The following KIAA1217 variants were observed in gnomAD, a reference collection of about 807,000 sequenced individuals.
The protein encoded by KIAA1217 is KIAA1217, also known as sickle tail protein homolog.
KIAA1217 carries 88 observed loss-of-function variants against 163.9 expected under a neutral mutation model. The ratio of observed to expected loss-of-function variants is 0.54; its 90% CI spans 0.45 to 0.64. The LOEUF (loss-of-function observed/expected upper bound fraction) is 0.64, where lower values mean the gene tolerates loss of function less well. KIAA1217 is among the 30% of genes least tolerant of loss of function. The pLI is 0.00. For missense variants in KIAA1217, 2,372 were observed against 2,475.0 expected, an observed-to-expected ratio of 0.96 and a Z score of 0.88; for synonymous variants, 903 against 923.1, an observed-to-expected ratio of 0.98 and a Z score of 0.39.
intron 2 of KIAA1217, among the ~76,000 whole-genome samples, chr10:24,026,744 T>TAA (rs1847969349): frequency 2.7e-5 from 1 of 37,332 alleles, no homozygotes; most frequent in Non-Finnish European, 6.1e-5. Context: ...TTTCATTGAT[T>TAA]TTTTTTTTTT....
At chr10:24,376,247 G>C (rs1287779611) in intron 2 of KIAA1217, among the ~76,000 whole-genome samples, 1 of 152,174 alleles carries the variant, frequency 6.6e-6, no homozygotes, top group East Asian at 1.9e-4. Context: ...TAAATAATTC[G>C]AAGGAAATCT....
chr10:24,191,584 C>A (rs1269941682), intron 2 of KIAA1217, among the ~76,000 whole-genome samples: 1 of 151,402 alleles, frequency 6.6e-6, no homozygotes, highest in Non-Finnish European at 1.5e-5. Flanking sequence ...TATTCTGTAC[C>A]CACAAATATT....
chr10:24,126,286 G>C (rs1214541137), intron 2 of KIAA1217, among the ~76,000 whole-genome samples: 1 of 152,076 alleles, frequency 6.6e-6, no homozygotes, highest in Non-Finnish European at 1.5e-5. Context: ...AACTTTGTCT[G>C]AACAGCTGTT....
chr10:23,707,062 T>C (rs1446294371), intron 1 of KIAA1217, among the ~76,000 whole-genome samples: 1 of 152,138 alleles, frequency 6.6e-6, no homozygotes, highest in Non-Finnish European at 1.5e-5. Context: ...AGAAGTAAAC[T>C]TATTACCAAA....
At chr10:24,199,553 G>C (rs1001081017) in intron 2 of KIAA1217, among the ~76,000 whole-genome samples, 4 of 152,156 alleles carry the variant, frequency 2.6e-5, no homozygotes, top group Non-Finnish European at 5.9e-5. Context: ...GGGAAACAAA[G>C]TAATTTTCAC....
chr10:24,387,650 A>C (rs1284909856), intron 3 of KIAA1217, among the ~76,000 whole-genome samples: 1 of 152,136 alleles, frequency 6.6e-6, no homozygotes, highest in Non-Finnish European at 1.5e-5. Context: ...TATATTTAAA[A>C]ACCCCCGTTG....
chr10:24,411,376 T>G (rs923069910), intron 3 of KIAA1217, among the ~76,000 whole-genome samples: 2 of 152,194 alleles, frequency 1.3e-5, no homozygotes, highest in African/African-American at 4.8e-5. Context: ...TTGAGATACT[T>G]GAGATTTGGG....
intron 1 of KIAA1217, among the ~76,000 whole-genome samples, chr10:23,855,974 G>A (rs1047040239): frequency 6.6e-6 from 1 of 152,100 alleles, no homozygotes; most frequent in Non-Finnish European, 1.5e-5. Flanking sequence ...CTGTAGCTCG[G>A]AGTAGTTTGA....
At chr10:24,143,834 A>G (rs929003295) in intron 2 of KIAA1217, among the ~76,000 whole-genome samples, 3 of 151,872 alleles carry the variant, frequency 2.0e-5, no homozygotes, top group Non-Finnish European at 4.4e-5. Flanking sequence ...AAAAACAAAA[A>G]CAAAAAACCA....
At chr10:23,923,841 A>G (rs1460614649) in intron 1 of KIAA1217, among the ~76,000 whole-genome samples, 2 of 152,184 alleles carry the variant, frequency 1.3e-5, no homozygotes, top group Non-Finnish European at 2.9e-5. Flanking sequence ...TATTTAATTT[A>G]TTGAAAATTT....
At chr10:23,712,538 G>A (rs1040405966) in intron 1 of KIAA1217, among the ~76,000 whole-genome samples, 1 of 152,128 alleles carries the variant, frequency 6.6e-6, no homozygotes, top group Non-Finnish European at 1.5e-5. Flanking sequence ...TGATTGTGCT[G>A]TAATTTAACT....
At chr10:24,165,049 C>A (rs960233294) in intron 2 of KIAA1217, among the ~76,000 whole-genome samples, 2 of 152,194 alleles carry the variant, frequency 1.3e-5, no homozygotes, top group African/African-American at 4.8e-5. Context: ...CAGTTCAGTT[C>A]CTCAGCTTTG....
chr10:24,304,128 C>T (rs220365), intron 2 of KIAA1217, among the ~76,000 whole-genome samples: 49,016 of 103,480 alleles, frequency 0.47, 9,241 homozygotes, highest in Non-Finnish European at 0.55. Context: ...GAATCCTCCA[C>T]ATTTTTTTTT....
chr10:24,429,484 T>C (rs1345594638), intron 3 of KIAA1217, among the ~76,000 whole-genome samples: 2 of 152,224 alleles, frequency 1.3e-5, no homozygotes, highest in Non-Finnish European at 2.9e-5. Flanking sequence ...CATATTGCTC[T>C]TCTCTCTTTT....
chr10:24,431,169 T>G (rs7087652), intron 3 of KIAA1217, among the ~76,000 whole-genome samples: 46,923 of 151,994 alleles, frequency 0.31, 7,412 homozygotes, highest in East Asian at 0.35. Context: ...TTAATGGAAT[T>G]TCTGGAGGAA....
In KIAA1217 at chr10:23,844,969, G is replaced by A. The variant is rs1258394909; in HGVS notation, c.-321+149735G>A. On this transcript the variant is annotated intron_variant, in intron 1 of 18. Transcript: ENST00000376462. ...TTAACCTTGTTCAACTCCCACTTAT[G>A]AGTGAGAACATGTGGTGTTTGGTTT... 2.6e-5 allele frequency among the ~76,000 whole-genome samples: 4 copies of A among 152,214 alleles called. No individual in the cohort carries two copies. The East Asian group carries it at 7.7e-4, about 29-fold the overall frequency.
Position 24,135,405 on chromosome 10 carries a change from G to A in KIAA1217, c.-170-84221G>A, listed in dbSNP as rs557840161. 2.6e-5 allele frequency among the ~76,000 whole-genome samples: 4 copies of A among 152,068 alleles called. No individual in the cohort carries two copies. In the South Asian group the frequency reaches 6.2e-4, roughly 24 times the overall value. On this transcript the variant is annotated intron_variant, in intron 2 of 18. Transcript: ENST00000376462. ...GAAGCACCCACCCTCTGCCAGTTCC[G>A]TCTCTGCTTGCCTCCGCTGGGATTG...
At chr10:23,702,474 C>T (rs769442056) in intron 1 of KIAA1217, among the ~76,000 whole-genome samples, 5 of 152,008 alleles carry the variant, frequency 3.3e-5, no homozygotes, top group Non-Finnish European at 7.4e-5. Flanking sequence ...CTTGGGGAAA[C>T]CTATTTAATT....
intron 1 of KIAA1217, among the ~76,000 whole-genome samples, chr10:23,783,274 C>G (rs1015518674): frequency 1.3e-5 from 2 of 152,280 alleles, no homozygotes; most frequent in Middle Eastern, 3.4e-3. Context: ...CTATCCTGGC[C>G]TGCATGTGGC....
Sources: gnomAD v4.1 joint callset for allele counts (sites outside exome capture counted in the v4.1 genomes callset) on GRCh38, gnomAD v4.1.1 for gene constraint, MANE v1.5 for transcripts, NCBI Gene and HGNC (gene_info 2026-07-23, HGNC 2026-07-21) for gene names.